Variants in STXBP4 observed in about 807,000 individuals in gnomAD.
STXBP4 encodes syntaxin binding protein 4.
Under a neutral mutation model 76.1 loss-of-function variants are expected in STXBP4, and 55 were observed. The observed-to-expected ratio is 0.72, with a 90% CI of 0.58 to 0.91. The LOEUF (loss-of-function observed/expected upper bound fraction) is 0.91. STXBP4 is among the 40% of genes least tolerant of loss of function. The pLI is 0.00. For missense variants in STXBP4, 618 were observed against 636.9 expected (o/e 0.97, Z 0.32); for synonymous variants, 201 against 220.2 (o/e 0.91, Z 0.77).
At chr17:54,974,949 G>A (rs955908693) in intron 1 of STXBP4, among the ~76,000 whole-genome samples, 24 of 152,222 alleles carry the variant, frequency 1.6e-4, no homozygotes, top group African/African-American at 5.1e-4. Flanking sequence ...CATTGCCATG[G>A]AAAGGGGTGG....
At chr17:55,159,264 A>G (rs1475976463) in intron 17 of STXBP4, among the ~76,000 whole-genome samples, 1 of 152,166 alleles carries the variant, frequency 6.6e-6, no homozygotes, top group East Asian at 1.9e-4. Flanking sequence ...AAATAAATAA[A>G]TAAATAAATA....
intron 4 of STXBP4, among the ~76,000 whole-genome samples, chr17:54,997,847 C>G (rs1598177350): frequency 6.7e-6 from 1 of 149,922 alleles, no homozygotes; most frequent in East Asian, 2.0e-4. Flanking sequence ...CTCAGCCTCT[C>G]AAAGTGTTGG....
chr17:54,999,846 A>G lies in STXBP4; in HGVS notation c.498+4A>G, dbSNP rs766939113. On this transcript the variant is annotated splice_donor_region_variant and intron_variant, in intron 6 of 17. Coordinates refer to ENST00000376352, the MANE Select transcript of STXBP4 (RefSeq NM_178509.6). The stretch of plus-strand genomic sequence containing the variant: ...TGACATTTTATCTTCTTGTGAGGTA[A>G]GTCAGGTAATCTTAAATTTCTCTAT... 2 of 1,599,476 alleles carry G rather than the reference A, an allele frequency of 1.3e-6. No homozygotes were observed. The highest frequency in any genetic ancestry group is 3.4e-5 in the Admixed American group (2 of 59,252).
intron 16 of STXBP4, among the ~76,000 whole-genome samples, chr17:55,083,201 C>T (rs1322550831): frequency 6.6e-6 from 1 of 151,990 alleles, no homozygotes; most frequent in Non-Finnish European, 1.5e-5. Flanking sequence ...GTCTTGAACT[C>T]CTGGACTGAA....
chr17:55,134,012 T>C (rs1238957982), intron 16 of STXBP4, among the ~76,000 whole-genome samples: 2 of 152,176 alleles, frequency 1.3e-5, no homozygotes, highest in African/African-American at 2.4e-5. Flanking sequence ...TTTTTTAAGA[T>C]AGAAGATAAT....
In STXBP4 at chr17:55,170,577, T is replaced by G. The variant is rs1318639108; in HGVS notation, c.*10666T>G. Reference sequence around the variant, plus strand: ...ATGAAAAAAGTGTATCTGATTTGATTATATATTTTTATTTCCACTTATATT... The same window carrying G: ...ATGAAAAAAGTGTATCTGATTTGATGATATATTTTTATTTCCACTTATATT... On this transcript the variant is annotated 3_prime_UTR_variant, in exon 18 of 18. Coordinates refer to ENST00000376352, the MANE Select transcript of STXBP4 (RefSeq NM_178509.6). 2 of 152,188 alleles carry G rather than the reference T, an allele frequency of 1.3e-5. No individual in the cohort carries two copies. Among genetic ancestry groups the G allele is most frequent in the African/African-American group, 4.8e-5 (2 of 41,462 alleles). The allele number at this position is 152,188 out of a possible 1,614,324, so 9.4% of individuals were successfully genotyped here.
At chr17:55,107,182 A>C (rs369329248) in intron 16 of STXBP4, among the ~76,000 whole-genome samples, 2 of 152,114 alleles carry the variant, frequency 1.3e-5, no homozygotes, top group East Asian at 1.9e-4. Context: ...TATTTCATTA[A>C]GTTGATCTTC....
rs2080409365 is a variant in STXBP4 at position 55,172,033 on chromosome 17, G to A, written c.*12122G>A. The A allele has an allele frequency of 6.6e-6, 1 of 152,224 alleles. No individual in the cohort carries two copies. Among genetic ancestry groups the A allele is most frequent in the Admixed American group, 6.5e-5 (1 of 15,278 alleles). The allele number at this position is 152,224 out of a possible 1,614,324, so 9.4% of individuals were successfully genotyped here. Reference sequence around the variant, plus strand: ...TGTTGGTCATTCTTTGTAGATGTGAGTTATTGCCCTATTGAGATCAGAAGT... The same window carrying A: ...TGTTGGTCATTCTTTGTAGATGTGAATTATTGCCCTATTGAGATCAGAAGT... On this transcript the variant is annotated 3_prime_UTR_variant, in exon 18 of 18. Coordinates refer to ENST00000376352, the MANE Select transcript of STXBP4 (RefSeq NM_178509.6).
the STXBP4 span, among the ~76,000 whole-genome samples, chr17:55,208,956 C>G: frequency 6.6e-6 from 1 of 151,690 alleles, no homozygotes; most frequent in Non-Finnish European, 1.5e-5. Flanking sequence ...GTGGTGGGCA[C>G]CTGTAATCCC....
intron 8 of STXBP4, among the ~76,000 whole-genome samples, chr17:55,030,380 C>T (rs369472787): frequency 1.3e-5 from 2 of 152,050 alleles, no homozygotes; most frequent in Non-Finnish European, 2.9e-5. Flanking sequence ...GTGCTTACCC[C>T]GACTTTTGAA....
At chr17:55,065,272 T>A (rs1257695057) in intron 12 of STXBP4, among the ~76,000 whole-genome samples, 1 of 152,210 alleles carries the variant, frequency 6.6e-6, no homozygotes, top group Non-Finnish European at 1.5e-5. Flanking sequence ...TTTCACTGAT[T>A]TATTCATCGA....
intron 1 of STXBP4, among the ~76,000 whole-genome samples, chr17:54,979,497 C>G (rs1320482442): frequency 1.3e-5 from 2 of 152,196 alleles, no homozygotes; most frequent in Non-Finnish European, 2.9e-5. Flanking sequence ...GAAAAAGCCT[C>G]CTTTAGCCCC....
At chr17:55,039,885 G>A (rs984418720) in intron 10 of STXBP4, among the ~76,000 whole-genome samples, 6 of 152,062 alleles carry the variant, frequency 3.9e-5, no homozygotes, top group Non-Finnish European at 1.5e-5. Flanking sequence ...TAAGAAGCTG[G>A]CAAGTACAAA....
intron 12 of STXBP4, 123 bp downstream of exon 12, chr17:55,047,277 T>C (rs2078803659): frequency 1.9e-6 from 1 of 522,386 alleles, no homozygotes; most frequent in African/African-American, 2.0e-5. Flanking sequence ...AGCTTCCTGA[T>C]ACATATTACA....
chr17:55,129,192 G>T (rs191847974), intron 16 of STXBP4, among the ~76,000 whole-genome samples: 1,838 of 151,650 alleles, frequency 0.012, 13 homozygotes, highest in Non-Finnish European at 0.019. Flanking sequence ...CCTCCCAAAG[G>T]GCTGGGATTA....
chr17:55,047,711 A>T (rs2078808927), intron 12 of STXBP4, among the ~76,000 whole-genome samples: 1 of 151,858 alleles, frequency 6.6e-6, no homozygotes, highest in East Asian at 1.9e-4. Context: ...ATTGTTAGAG[A>T]TCAACAGTGA....
rs1292404662 is a variant in STXBP4 at position 55,166,410 on chromosome 17, A to G, written c.*6499A>G. On this transcript the variant is annotated 3_prime_UTR_variant, in exon 18 of 18. Coordinates refer to ENST00000376352, the MANE Select transcript of STXBP4 (RefSeq NM_178509.6). Reference sequence around the variant, plus strand: ...GTCAGAATTATCTTTCTATAACACAAAATTGCTTCTATTCCTCCCTTGCTA... The same window carrying G: ...GTCAGAATTATCTTTCTATAACACAGAATTGCTTCTATTCCTCCCTTGCTA... The G allele has an allele frequency of 6.6e-6, 1 of 152,086 alleles. No homozygotes were observed. The highest frequency in any genetic ancestry group is 6.5e-5 in the Admixed American group (1 of 15,270). The allele number at this position is 152,086 out of a possible 1,614,324, so 9.4% of individuals were successfully genotyped here.
At position 55,170,417 on chromosome 17, in the gene STXBP4, T is replaced by G. The variant is rs2080399724; in HGVS notation, c.*10506T>G. 1 of 152,166 alleles carries G rather than the reference T, an allele frequency of 6.6e-6. No individual in the cohort carries two copies. Among genetic ancestry groups the G allele is most frequent in the Non-Finnish European group, 1.5e-5 (1 of 68,016 alleles). The allele number at this position is 152,166 out of a possible 1,614,324, so 9.4% of individuals were successfully genotyped here. A position where few individuals can be genotyped will look rare whatever the true frequency, so the allele number is the denominator to read the frequency against. On this transcript the variant is annotated 3_prime_UTR_variant, in exon 18 of 18. Transcript: ENST00000376352. ...TATAAAACCAACAGTATTGTATATA[T>G]AAACACCATAGAAGATCTGAAAAAA... is the stretch of plus-strand genomic sequence containing the variant.
chr17:55,147,187 C>T (rs879381763), intron 17 of STXBP4, among the ~76,000 whole-genome samples: 16 of 152,174 alleles, frequency 1.1e-4, no homozygotes, highest in South Asian at 4.1e-4. Flanking sequence ...CTTTTTGGCA[C>T]GAGGAACCCA....
Sources: gnomAD v4.1 joint callset for allele counts (sites outside exome capture counted in the v4.1 genomes callset) on GRCh38, gnomAD v4.1.1 for gene constraint, MANE v1.5 for transcripts, NCBI Gene and HGNC (gene_info 2026-07-23, HGNC 2026-07-21) for gene names.